The following WASHC2A variants were observed in gnomAD, a reference collection of about 807,000 sequenced individuals.
WASHC2A encodes the protein WASH complex subunit FAM21A.
A neutral mutation model predicts 140.3 loss-of-function variants in WASHC2A; 82 were observed. The ratio of observed to expected loss-of-function variants is 0.58; its 90% CI spans 0.49 to 0.70. WASHC2A has a LOEUF of 0.70. WASHC2A is among the 30% of genes least tolerant of loss of function. The pLI is 0.00. For missense variants in WASHC2A, 985 were observed against 1,521.8 expected (o/e 0.65, Z 5.87); for synonymous variants, 340 against 560.8 (o/e 0.61, Z 5.56).
chr10:50,121,353 A>T (rs1333873195), intron 23 of WASHC2A, among the ~76,000 whole-genome samples: 1 of 149,674 alleles, frequency 6.7e-6, no homozygotes, highest in African/African-American at 2.6e-5. Flanking sequence ...TAAGCTAGTA[A>T]TGAACATTTA....
chr10:50,103,985 T>A, intron 17 of WASHC2A, 57 bp from the exon 18 acceptor site: 1 of 1,444,870 alleles, frequency 6.9e-7, no homozygotes, highest in Non-Finnish European at 9.7e-7. Context: ...TATACTGACC[T>A]GATATTTTAA....
intron 15 of WASHC2A, among the ~76,000 whole-genome samples, chr10:50,097,276 T>C (rs1429058111): frequency 6.6e-6 from 1 of 151,294 alleles, no homozygotes; most frequent in East Asian, 1.9e-4. Flanking sequence ...TCTGCTTTTG[T>C]ACAGTTTGAT....
intron 17 of WASHC2A, among the ~76,000 whole-genome samples, chr10:50,102,559 C>T (rs1222428817): frequency 4.0e-5 from 6 of 151,892 alleles, no homozygotes; most frequent in Admixed American, 3.9e-4. Flanking sequence ...TCTAAATAAA[C>T]CCATGGGACT....
chr10:50,111,985 A>T (rs1384864881), intron 20 of WASHC2A, among the ~76,000 whole-genome samples: 1 of 152,030 alleles, frequency 6.6e-6, no homozygotes, highest in Admixed American at 6.6e-5. Flanking sequence ...CCAAGATCTC[A>T]CCACTGCACT....
At chr10:50,072,230 G>A (rs1416588307) in intron 3 of WASHC2A, among the ~76,000 whole-genome samples, 5 of 148,666 alleles carry the variant, frequency 3.4e-5, no homozygotes, top group Non-Finnish European at 7.4e-5. Context: ...GATTACAGGC[G>A]CGAGCCACTG....
chr10:50,082,423 G>A (rs1388006366), intron 5 of WASHC2A, among the ~76,000 whole-genome samples: 7 of 150,216 alleles, frequency 4.7e-5, no homozygotes, highest in African/African-American at 1.7e-4. Flanking sequence ...GGACAGGGCA[G>A]CATTTCCTTC....
intron 20 of WASHC2A, among the ~76,000 whole-genome samples, chr10:50,111,910 C>A (rs1419316010): frequency 6.6e-6 from 1 of 152,144 alleles, no homozygotes; most frequent in Non-Finnish European, 1.5e-5. Context: ...CACCTGTAAT[C>A]CCAGCTACTC....
chr10:50,074,659 G>A (rs1319685873), intron 3 of WASHC2A, among the ~76,000 whole-genome samples: 5 of 152,024 alleles, frequency 3.3e-5, no homozygotes, highest in African/African-American at 1.2e-4. Context: ...GGTGGCTCAC[G>A]CCTGTAGCAC....
rs879978845 is a variant in WASHC2A at position 50,123,341 on chromosome 10, A to G, written c.2479-1772A>G. ...TTCGTAATAGCCAAAAGATGGAAACAATGGCTAAACATAATATAGTATATC... is the reference window on the plus strand; with the variant it reads ...TTCGTAATAGCCAAAAGATGGAAACGATGGCTAAACATAATATAGTATATC... On this transcript the variant is annotated intron_variant, in intron 23 of 30. Coordinates refer to ENST00000282633, the MANE Select transcript of WASHC2A (RefSeq NM_001005751.3). Among the ~76,000 whole-genome samples the G allele has an allele frequency of 7.2e-4, 94 of 131,012 alleles. 14 individuals are homozygous for G. The highest frequency in any genetic ancestry group is 1.4e-3 in the Non-Finnish European group (83 of 58,792). 85.9% of individuals were successfully genotyped at this position (131,012 alleles called of 152,430 possible).
At chr10:50,091,740 A>G (rs1839950647) in intron 10 of WASHC2A, among the ~76,000 whole-genome samples, 1 of 152,242 alleles carries the variant, frequency 6.6e-6, no homozygotes, top group African/African-American at 2.4e-5. Context: ...ACATGTACAC[A>G]TGTAGATAAC....
At chr10:50,118,329 C>G (rs1377774238) in intron 22 of WASHC2A, among the ~76,000 whole-genome samples, 1 of 58,026 alleles carries the variant, frequency 1.7e-5, no homozygotes, top group African/African-American at 5.4e-5. Context: ...TGCTTTCTAA[C>G]TTGTTCTCTT....
chr10:50,071,726 G>A (rs1433542523), intron 3 of WASHC2A, among the ~76,000 whole-genome samples: 1 of 148,222 alleles, frequency 6.7e-6, no homozygotes. Context: ...ACAGTCTTAG[G>A]TCTTATCTTT....
In WASHC2A at chr10:50,080,073, G is replaced by A. The variant is rs561387785; in HGVS notation, c.355-685G>A. On this transcript the variant is annotated intron_variant, in intron 4 of 30. Coordinates refer to ENST00000282633, the MANE Select transcript of WASHC2A (RefSeq NM_001005751.3). ...GGGGAAATGACACTAAATATTTTTC[G>A]GTATTTCTCACAATGGCACACTTGT... Among the ~76,000 whole-genome samples, 246 of 151,740 alleles carry A rather than the reference G, an allele frequency of 1.6e-3. 1 individual carries two copies. Among genetic ancestry groups the A allele is most frequent in the African/African-American group, 5.7e-3 (237 of 41,402 alleles).
intron 18 of WASHC2A, among the ~76,000 whole-genome samples, chr10:50,105,237 A>T (rs1238620368): frequency 6.6e-6 from 1 of 151,698 alleles, no homozygotes; most frequent in Admixed American, 6.6e-5. Flanking sequence ...GGGAAGAGAA[A>T]TAAGAGAGAA....
In WASHC2A at chr10:50,132,841, A is replaced by G; in HGVS notation, c.3922A>G (p.Thr1308Ala). The G allele has an allele frequency of 1.9e-6, 3 of 1,612,002 alleles. No individual in the cohort carries two copies. Among genetic ancestry groups the G allele is most frequent in the East Asian group, 2.2e-5 (1 of 44,884 alleles). ...CTCCTCTGGTATCCAGGCTAAGACA[A>G]CCAAACCAAAAAGCCGATCTGCACA... ...IFSSGIQAKT[T>A]KPKSRSAQAA... The change falls in exon 31 of 31, where the codon ACC (threonine) becomes GCC (alanine). Residue 1308 changes from threonine to alanine, a missense_variant. Transcript: ENST00000282633.
Position 50,110,235 on chromosome 10 carries a change from CGAA to C in WASHC2A, c.2010_2012del (p.Glu670del), listed in dbSNP as rs1387972513. The C allele has an allele frequency of 4.3e-6, 7 of 1,611,828 alleles. 1 individual carries two copies. In the South Asian group the frequency reaches 4.4e-5, roughly 10 times the overall value. ...AAAAGACCAGTCTCTTTGAGGAAGACGAAGAAGATGATCTTTTTGCCATTGCCA... is the reference window on the plus strand; with the variant it reads ...AAAAGACCAGTCTCTTTGAGGAAGACGAAGATGATCTTTTTGCCATTGCCA... On this transcript the variant is annotated inframe_deletion, in exon 20 of 31. Coordinates refer to ENST00000282633, the MANE Select transcript of WASHC2A (RefSeq NM_001005751.3).
chr10:50,088,111 G>T (rs1341370367), intron 8 of WASHC2A, among the ~76,000 whole-genome samples: 1 of 151,734 alleles, frequency 6.6e-6, no homozygotes, highest in Admixed American at 6.6e-5. Context: ...GAGCCACCAT[G>T]CCTGGCCTCC....
chr10:50,071,448 G>T (rs1837802409), intron 3 of WASHC2A, among the ~76,000 whole-genome samples: 3 of 151,990 alleles, frequency 2.0e-5, no homozygotes, highest in South Asian at 4.1e-4. Flanking sequence ...TGGGACTACA[G>T]GCGCGTGCCA....
At chr10:50,079,641 C>T (rs1167273856) in intron 4 of WASHC2A, among the ~76,000 whole-genome samples, 14 of 152,324 alleles carry the variant, frequency 9.2e-5, no homozygotes, top group Admixed American at 2.0e-4. Flanking sequence ...TCAAATGATC[C>T]GCCAGCCTTG....
Sources: gnomAD v4.1 joint callset for allele counts (sites outside exome capture counted in the v4.1 genomes callset) on GRCh38, gnomAD v4.1.1 for gene constraint, MANE v1.5 for transcripts, NCBI Gene and HGNC (gene_info 2026-07-23, HGNC 2026-07-21) for gene names.